The following CACNA1A variants were observed in gnomAD, a reference collection of about 807,000 sequenced individuals.
The protein encoded by CACNA1A is voltage-dependent P/Q-type calcium channel subunit alpha-1A.
CACNA1A carries 57 observed loss-of-function variants against 262.4 expected under a neutral mutation model. That is an observed-to-expected ratio of 0.22 (90% CI 0.18 to 0.27). The LOEUF is 0.27. Ranked by LOEUF, CACNA1A falls within the 10% of genes least tolerant of loss-of-function variation. The pLI is 1.00. For synonymous variants in CACNA1A, 1,431 were observed against 1,419.3 expected (o/e 1.01, Z -0.18); for missense variants, 2,526 against 3,562.8 (o/e 0.71, Z 7.41).
chr19:13,212,706 G>C lies in CACNA1A; in HGVS notation c.5975C>G (p.Pro1992Arg), dbSNP rs1175460628. 1 of 1,509,320 alleles carries C rather than the reference G, an allele frequency of 6.6e-7. No homozygotes were observed. The highest frequency in any genetic ancestry group is 2.3e-5 in the East Asian group (1 of 43,700). The allele number at this position is 1,509,320 out of a possible 1,614,324, so 93.5% of individuals were successfully genotyped here. A position where few individuals can be genotyped will look rare whatever the true frequency, so the allele number is the denominator to read the frequency against. ...TCCCCCTTCCTGCGTTGGGGACGGG[G>C]GCTCCATGCGCTGGAACATGAGGGG... ...RTPLMFQRMEPPSPTQEGGPG... is the reference protein window; with the variant it reads ...RTPLMFQRMERPSPTQEGGPG... Residue 1992 changes from proline to arginine, a missense_variant, in exon 41 of 47, where the codon CCC becomes CGC. By Grantham distance (103) the Pro-to-Arg change is moderately radical. Around this residue, in one of 17 missense-constraint regions of CACNA1A, gnomAD observed 929 missense variants for 868.1 expected, o/e 1.07. Transcript: ENST00000360228. The surrounding 1 kb of genome is among the most constrained non-coding windows in gnomAD (Gnocchi z 5.6).
At chr19:13,348,816 C>A (rs1297398062) in intron 6 of CACNA1A, among the ~76,000 whole-genome samples, 3 of 151,818 alleles carry the variant, frequency 2.0e-5, no homozygotes, top group Non-Finnish European at 4.4e-5. Flanking sequence ...AGCCTGGCGA[C>A]AGAGCAAGAC....
At chr19:13,271,067 G>C (rs1600216512) in intron 24 of CACNA1A, among the ~76,000 whole-genome samples, 1 of 152,080 alleles carries the variant, frequency 6.6e-6, no homozygotes, top group Admixed American at 6.6e-5. Flanking sequence ...AATTTCATGA[G>C]AACAATGTAA....
rs530179889 is a variant in CACNA1A at position 13,501,773 on chromosome 19, T to C, written c.293+4159A>G. Among the ~76,000 whole-genome samples, 8 of 152,290 alleles carry C rather than the reference T, an allele frequency of 5.3e-5. No individual in the cohort carries two copies. In the South Asian group the frequency reaches 6.2e-4, roughly 12 times the overall value. ...ATTTCTGCTGCAAAACATACTCAAATGCACACCAAGTAGAATGAATGAAAA... is the reference window on the plus strand; with the variant it reads ...ATTTCTGCTGCAAAACATACTCAAACGCACACCAAGTAGAATGAATGAAAA... On this transcript the variant is annotated intron_variant, in intron 1 of 46. Coordinates refer to ENST00000360228, the MANE Select transcript of CACNA1A (RefSeq NM_001127222.2).
chr19:13,235,656 G>A lies in CACNA1A; in HGVS notation c.5025C>T (p.Tyr1675=), dbSNP rs1206765131. 1 of 1,613,846 alleles carries A rather than the reference G, an allele frequency of 6.2e-7. No homozygotes were observed. Among genetic ancestry groups the A allele is most frequent in the Non-Finnish European group, 8.5e-7 (1 of 1,179,846 alleles). ...ARLIKLLRQG[Y]TIRILLWTFV... ...AGGTCCAGAGAAGAATGCGGATGGTGTAACCCTGACGGAGAAGTTTGATGA... is the reference window on the plus strand; with the variant it reads ...AGGTCCAGAGAAGAATGCGGATGGTATAACCCTGACGGAGAAGTTTGATGA... The change falls in exon 32 of 47, where the codon TAC becomes TAT. Residue 1675 remains tyrosine (Y), a synonymous_variant. Coordinates refer to ENST00000360228, the MANE Select transcript of CACNA1A (RefSeq NM_001127222.2).
chr19:13,401,324 C>T (rs1001593505), intron 3 of CACNA1A, among the ~76,000 whole-genome samples: 14 of 152,208 alleles, frequency 9.2e-5, no homozygotes, highest in African/African-American at 2.2e-4. Context: ...AGATATTTAA[C>T]GGCTCTGGGT....
Position 13,376,851 on chromosome 19 carries a change from CACATATGTTATATGTGATATATAT to C in CACNA1A, c.540-5096_540-5073del, listed in dbSNP as rs1309270049. ...AACACATGTTATATGTGATATATAACACATATGTTATATGTGATATATATAACACATGATATATGTTATATGTGA... is the reference window on the plus strand; with the variant it reads ...AACACATGTTATATGTGATATATAACAACACATGATATATGTTATATGTGA... On this transcript the variant is annotated intron_variant, in intron 3 of 46. Coordinates refer to ENST00000360228, the MANE Select transcript of CACNA1A (RefSeq NM_001127222.2). Among the ~76,000 whole-genome samples, 90 of 137,726 alleles carry C rather than the reference CACATATGTTATATGTGATATATAT, an allele frequency of 6.5e-4. 1 individual carries two copies. In the East Asian group the frequency reaches 0.017, roughly 26 times the overall value. The allele number at this position is 137,726 out of a possible 152,430, so 90.4% of individuals were successfully genotyped here.
intron 1 of CACNA1A, among the ~76,000 whole-genome samples, chr19:13,473,229 A>G (rs1262286449): frequency 2.0e-5 from 3 of 147,472 alleles, no homozygotes; most frequent in Non-Finnish European, 4.4e-5. Flanking sequence ...ACTCTTGTAC[A>G]GGGTGACAGA....
At chr19:13,253,444 A>AC (rs1309429779) in intron 29 of CACNA1A, among the ~76,000 whole-genome samples, 1 of 64,380 alleles carries the variant, frequency 1.6e-5, no homozygotes, top group Non-Finnish European at 3.1e-5. Context: ...GCTGAATTAT[A>AC]CTTTTTTTTT....
At chr19:13,401,944 T>C (rs2059906330) in intron 3 of CACNA1A, among the ~76,000 whole-genome samples, 1 of 152,206 alleles carries the variant, frequency 6.6e-6, no homozygotes, top group African/African-American at 2.4e-5. Context: ...CCCAAAGTGC[T>C]AGAATTACAG....
intron 12 of CACNA1A, among the ~76,000 whole-genome samples, chr19:13,310,515 T>TAGTGAGAG (rs2058010918): frequency 1.4e-5 from 1 of 69,372 alleles, no homozygotes; most frequent in Non-Finnish European, 2.6e-5. Flanking sequence ...TATATATATG[T>TAGTGAGAG]AGAGAGAGAG....
intron 1 of CACNA1A, among the ~76,000 whole-genome samples, chr19:13,458,791 T>C (rs537650200): frequency 8.3e-4 from 126 of 152,258 alleles, no homozygotes; most frequent in Non-Finnish European, 1.4e-3. Context: ...ATGTCCGCTG[T>C]CTCCCTGCCA....
rs2056077012 is a variant in CACNA1A, at chr19:13,241,384, A to AGAGGAGAGCGGAGGGTT, written c.4950+3781_4950+3797dup. ...GCTGGGGGCGGGAGGACAGACAGAC[A>AGAGGAGAGCGGAGGGTT]GAGGAGAGCGGAGGGTTGAGGAGAG... On this transcript the variant is annotated intron_variant, in intron 31 of 46. Coordinates refer to ENST00000360228, the MANE Select transcript of CACNA1A (RefSeq NM_001127222.2). This position sits in a 1 kb window ranked among gnomAD's most constrained non-coding sequence, Gnocchi z 4.0. 6 of 701,514 alleles carry AGAGGAGAGCGGAGGGTT rather than the reference A, an allele frequency of 8.6e-6. No homozygotes were observed. Among genetic ancestry groups the AGAGGAGAGCGGAGGGTT allele is most frequent in the Non-Finnish European group, 1.3e-5 (5 of 385,720 alleles). The allele number at this position is 701,514 out of a possible 1,614,324, so 43.5% of individuals were successfully genotyped here.
chr19:13,291,870 C>T (rs140432251), intron 19 of CACNA1A, among the ~76,000 whole-genome samples: 1 of 152,030 alleles, frequency 6.6e-6, no homozygotes, highest in Admixed American at 6.6e-5. Flanking sequence ...AGTAATTAAC[C>T]ACTCCCTACC....
chr19:13,456,768 C>T, intron 1 of CACNA1A, among the ~76,000 whole-genome samples: 1 of 152,166 alleles, frequency 6.6e-6, no homozygotes, highest in East Asian at 1.9e-4. Context: ...AGACATTTCT[C>T]CAAAGAAGAC....
chr19:13,452,742 G>T, intron 3 of CACNA1A, 134 bp downstream of exon 3: 1 of 735,956 alleles, frequency 1.4e-6, no homozygotes. Context: ...TTGGCAGAAA[G>T]GAGGCAGGCG....
chr19:13,279,045 T>C (rs1001397634), intron 22 of CACNA1A, among the ~76,000 whole-genome samples: 2 of 152,134 alleles, frequency 1.3e-5, no homozygotes, highest in African/African-American at 4.8e-5. Context: ...TCTCATACCC[T>C]GTCAATCCTC....
At chr19:13,473,177 C>T (rs375473389) in intron 1 of CACNA1A, among the ~76,000 whole-genome samples, 117 of 151,032 alleles carry the variant, frequency 7.7e-4, no homozygotes, top group Middle Eastern at 3.4e-3. Flanking sequence ...TTGTTTGATG[C>T]TGGGAAGCAG....
intron 10 of CACNA1A, among the ~76,000 whole-genome samples, chr19:13,319,373 G>C (rs2058199308): frequency 6.6e-6 from 1 of 151,864 alleles, no homozygotes; most frequent in Non-Finnish European, 1.5e-5. Context: ...ATTCCTTTGT[G>C]TGTACATCAT....
At chr19:13,280,940 C>CA (rs59445149) in intron 22 of CACNA1A, among the ~76,000 whole-genome samples, 38,894 of 82,008 alleles carry the variant, frequency 0.47, 8,713 homozygotes, top group East Asian at 0.82. Flanking sequence ...GACTCCATCT[C>CA]AAAAAAAAAA....
Sources: allele counts gnomAD v4.1 joint callset (sites outside exome capture counted in the v4.1 genomes callset), GRCh38; gene constraint gnomAD v4.1.1; regional missense constraint gnomAD v4.1.1; non-coding constraint Gnocchi (gnomAD v3.1); transcripts MANE v1.5; gene names NCBI Gene and HGNC (gene_info 2026-07-23, HGNC 2026-07-21).